LRRTM4: variants seen among roughly 807,000 people sequenced by gnomAD.
The protein encoded by LRRTM4 is leucine-rich repeat transmembrane neuronal protein 4.
In LRRTM4, 25 loss-of-function variants were observed where a neutral mutation model predicts 47.6. The observed-to-expected ratio is 0.53, with a 90% CI of 0.38 to 0.73. The LOEUF (loss-of-function observed/expected upper bound fraction) is 0.73. Ranked by LOEUF, LRRTM4 falls within the 30% of genes least tolerant of loss-of-function variation. The probability of loss-of-function intolerance (pLI) is 0.00; values close to 1 mark genes in which losing one functional copy is unlikely to be tolerated. For missense variants in LRRTM4, 638 were observed against 713.4 expected, an observed-to-expected ratio of 0.89 and a Z score of 1.20; for synonymous variants, 311 against 269.5, an observed-to-expected ratio of 1.15 and a Z score of -1.51.
At chr2:77,452,638 C>A (rs1029032739) in intron 3 of LRRTM4, among the ~76,000 whole-genome samples, 2 of 152,194 alleles carry the variant, frequency 1.3e-5, no homozygotes, top group African/African-American at 4.8e-5. Context: ...GTTTATTGCT[C>A]TGCCATCACC....
intron 3 of LRRTM4, among the ~76,000 whole-genome samples, chr2:77,205,783 G>A (rs993950618): frequency 2.0e-5 from 3 of 152,136 alleles, no homozygotes. Context: ...ATTGCTGAAT[G>A]AGCACATTTT....
At chr2:77,068,124 G>A (rs529258520) in intron 3 of LRRTM4, among the ~76,000 whole-genome samples, 8 of 152,120 alleles carry the variant, frequency 5.3e-5, no homozygotes, top group African/African-American at 1.9e-4. Flanking sequence ...CATAAATATA[G>A]AGACTGGTTT....
chr2:77,099,516 A>G (rs1316501768), intron 3 of LRRTM4, among the ~76,000 whole-genome samples: 5 of 152,078 alleles, frequency 3.3e-5, no homozygotes, highest in African/African-American at 1.2e-4. Flanking sequence ...ACTCCAGAAA[A>G]TAATTACATT....
intron 3 of LRRTM4, among the ~76,000 whole-genome samples, chr2:76,960,353 T>C (rs751339869): frequency 6.6e-6 from 1 of 151,760 alleles, no homozygotes; most frequent in East Asian, 1.9e-4. Context: ...TTTTGTTTTA[T>C]GATTTTCTAT....
chr2:77,471,943 T>C (rs185715196), intron 3 of LRRTM4, among the ~76,000 whole-genome samples: 209 of 152,260 alleles, frequency 1.4e-3, no homozygotes, highest in Non-Finnish European at 2.2e-3. Flanking sequence ...TAACCCCAAA[T>C]CTAATCTTTG....
In LRRTM4 at chr2:76,767,203, C is replaced by T. The variant is rs566140067; in HGVS notation, c.1552-18287G>A. On this transcript the variant is annotated intron_variant, in intron 3 of 3. Coordinates refer to ENST00000409884, the MANE Select transcript of LRRTM4 (RefSeq NM_001134745.3). ...TATTTCTTTCTGGCATTCTGACTGA[C>T]ATGTAATTTAGGTGCACATGCAGCA... Among the ~76,000 whole-genome samples the T allele has an allele frequency of 6.6e-5, 10 of 152,288 alleles. No homozygotes were observed. In the East Asian group the frequency reaches 1.9e-3, roughly 29 times the overall value.
At chr2:76,890,669 A>G (rs921091231) in intron 3 of LRRTM4, among the ~76,000 whole-genome samples, 30 of 152,142 alleles carry the variant, frequency 2.0e-4, no homozygotes, top group African/African-American at 7.2e-4. Context: ...TTTCTCTAAA[A>G]TAATAGCAGC....
At chr2:77,345,992 T>C (rs963452054) in intron 3 of LRRTM4, among the ~76,000 whole-genome samples, 1 of 151,738 alleles carries the variant, frequency 6.6e-6, no homozygotes, top group African/African-American at 2.4e-5. Flanking sequence ...TAAAACAAAC[T>C]AGTATTTTTT....
chr2:76,767,204 A>G (rs1362634080), intron 3 of LRRTM4, among the ~76,000 whole-genome samples: 1 of 152,192 alleles, frequency 6.6e-6, no homozygotes, highest in East Asian at 1.9e-4. Flanking sequence ...TCTGACTGAC[A>G]TGTAATTTAG....
chr2:76,904,000 G>C (rs1348473582), intron 3 of LRRTM4, among the ~76,000 whole-genome samples: 2 of 152,192 alleles, frequency 1.3e-5, no homozygotes, highest in Non-Finnish European at 1.5e-5. Context: ...ATCCAATTTA[G>C]TGAAAATGTT....
chr2:77,438,393 A>ATTTTTTTTTTTTTT (rs70956631), intron 3 of LRRTM4, among the ~76,000 whole-genome samples: 3 of 100,172 alleles, frequency 3.0e-5, no homozygotes, highest in African/African-American at 1.3e-4. Flanking sequence ...GATCATGATA[A>ATTTTTTTTTTTTTT]TTTTTTTTTT....
At chr2:77,373,260 G>T (rs910662365) in intron 3 of LRRTM4, among the ~76,000 whole-genome samples, 1 of 150,736 alleles carries the variant, frequency 6.6e-6, no homozygotes, top group Non-Finnish European at 1.5e-5. Flanking sequence ...TAAACTAAAT[G>T]GGTAATAAAC....
intron 3 of LRRTM4, among the ~76,000 whole-genome samples, chr2:77,310,089 C>G (rs1223315135): frequency 1.3e-5 from 2 of 152,014 alleles, no homozygotes; most frequent in Admixed American, 1.3e-4. Context: ...GTATACTTGA[C>G]ACTAAGATAT....
At chr2:77,417,741 C>T (rs1573386010) in intron 3 of LRRTM4, among the ~76,000 whole-genome samples, 1 of 146,658 alleles carries the variant, frequency 6.8e-6, no homozygotes, top group East Asian at 2.0e-4. Context: ...GGAAGGGGAA[C>T]ATCACACACT....
intron 3 of LRRTM4, among the ~76,000 whole-genome samples, chr2:76,878,476 C>T (rs1672838578): frequency 6.6e-6 from 1 of 151,770 alleles, no homozygotes; most frequent in Admixed American, 6.6e-5. Flanking sequence ...AAAAGGTAGG[C>T]CTTTTGTGCC....
At chr2:77,186,641 A>G (rs921035977) in intron 3 of LRRTM4, among the ~76,000 whole-genome samples, 3 of 152,200 alleles carry the variant, frequency 2.0e-5, no homozygotes, top group South Asian at 2.1e-4. Context: ...AATGTCATAA[A>G]AAGGAAATAA....
At chr2:77,223,410 A>G (rs1674702654) in intron 3 of LRRTM4, among the ~76,000 whole-genome samples, 1 of 152,182 alleles carries the variant, frequency 6.6e-6, no homozygotes, top group Non-Finnish European at 1.5e-5. Context: ...GAAAAGAGGA[A>G]GTCAAATTGT....
intron 3 of LRRTM4, among the ~76,000 whole-genome samples, chr2:76,992,650 C>A (rs954664429): frequency 6.6e-6 from 1 of 151,550 alleles, no homozygotes; most frequent in Non-Finnish European, 1.5e-5. Flanking sequence ...GAAAAACAAT[C>A]CATGTTCATG....
chr2:77,408,344 T>G (rs1454718174), intron 3 of LRRTM4, among the ~76,000 whole-genome samples: 1 of 152,170 alleles, frequency 6.6e-6, no homozygotes, highest in Non-Finnish European at 1.5e-5. Flanking sequence ...TAGCTCAATA[T>G]TTATCATGGT....
Sources: allele counts gnomAD v4.1 joint callset (sites outside exome capture counted in the v4.1 genomes callset), GRCh38; gene constraint gnomAD v4.1.1; transcripts MANE v1.5; gene names NCBI Gene and HGNC (gene_info 2026-07-23, HGNC 2026-07-21).